Variants in SLC9C1 observed in about 807,000 individuals in gnomAD.
SLC9C1 encodes solute carrier family 9 member C1.
In SLC9C1, 97 loss-of-function variants were observed where a neutral mutation model predicts 140.9. The ratio of observed to expected loss-of-function variants is 0.69; its 90% CI spans 0.58 to 0.82. The LOEUF is 0.82. SLC9C1 is among the 40% of genes least tolerant of loss of function. The pLI is 0.00. For synonymous variants in SLC9C1, 440 were observed against 442.6 expected, an observed-to-expected ratio of 0.99 and a Z score of 0.07; for missense variants, 1,340 against 1,389.3, an observed-to-expected ratio of 0.96 and a Z score of 0.56.
At chr3:112,166,018 A>T (rs771260852) in intron 26 of SLC9C1, among the ~76,000 whole-genome samples, 2 of 151,300 alleles carry the variant, frequency 1.3e-5, no homozygotes, top group Non-Finnish European at 2.9e-5. Flanking sequence ...TTGATCTCAG[A>T]CTGCTGTGCT....
intron 28 of SLC9C1, among the ~76,000 whole-genome samples, chr3:112,146,231 T>C (rs2074792665): frequency 6.6e-6 from 1 of 152,110 alleles, no homozygotes; most frequent in Non-Finnish European, 1.5e-5. Context: ...TAGCTAGTGA[T>C]CTACTGATGT....
intron 15 of SLC9C1, among the ~76,000 whole-genome samples, chr3:112,215,875 CA>C (rs1560078302): frequency 6.6e-6 from 1 of 152,024 alleles, no homozygotes; most frequent in Non-Finnish European, 1.5e-5. Flanking sequence ...CATATGGAAC[CA>C]AAAAAGAGCC....
At chr3:112,231,071 AC>A (rs1399217317) in intron 13 of SLC9C1, among the ~76,000 whole-genome samples, 1 of 152,068 alleles carries the variant, frequency 6.6e-6, no homozygotes, top group Non-Finnish European at 1.5e-5. Flanking sequence ...ATCACTCTTT[AC>A]TTAAGTTAAT....
chr3:112,143,118 C>T (rs1421197430), intron 28 of SLC9C1, among the ~76,000 whole-genome samples: 1 of 152,110 alleles, frequency 6.6e-6, no homozygotes. Context: ...ACCACATTTT[C>T]TTTATTCAAC....
At chr3:112,274,348 A>T (rs1299831925) in intron 6 of SLC9C1, among the ~76,000 whole-genome samples, 3 of 152,066 alleles carry the variant, frequency 2.0e-5, no homozygotes, top group African/African-American at 7.2e-5. Context: ...GATAAAGGGG[A>T]AAAAAAGTAC....
At chr3:112,202,502 C>T in intron 17 of SLC9C1, 103 bp from the exon 18 acceptor site, 7 of 1,180,172 alleles carry the variant, frequency 5.9e-6, no homozygotes, top group Non-Finnish European at 8.2e-6. Context: ...ATTAAGTGCC[C>T]TCAAAGGTAA....
rs371738358 is a variant in SLC9C1, at chr3:112,281,504, C to G, written c.89-721G>C. The stretch of plus-strand genomic sequence containing the variant: ...AAATAGGATACACCGATTTTTAATT[C>G]AAGGAACACATTTCTGAAACACTTT... On this transcript the variant is annotated intron_variant, in intron 2 of 28. Coordinates refer to ENST00000305815, the MANE Select transcript of SLC9C1 (RefSeq NM_183061.3). 8.5e-5 allele frequency among the ~76,000 whole-genome samples: 13 copies of G among 152,210 alleles called. No individual in the cohort carries two copies. The East Asian group carries it at 1.2e-3, about 14-fold the overall frequency.
rs1344648020 is a variant in SLC9C1, at chr3:112,185,963, C to T, written c.2524-3705G>A. 5.8e-6 allele frequency: 9 copies of T among 1,561,354 alleles called. No individual in the cohort carries two copies. In the East Asian group the frequency reaches 2.1e-4, roughly 36 times the overall value. ...GCAGTAGCTTGGGGTGGTGGGCGAC[C>T]AGCTCTCTGCTGCCGGCTGGGACCC... On this transcript the variant is annotated intron_variant, in intron 20 of 28. Transcript: ENST00000305815.
At chr3:112,218,700 G>T (rs950570018) in intron 14 of SLC9C1, among the ~76,000 whole-genome samples, 1 of 152,182 alleles carries the variant, frequency 6.6e-6, no homozygotes. Flanking sequence ...AATACCAATT[G>T]CAGTAAAACG....
intron 28 of SLC9C1, among the ~76,000 whole-genome samples, chr3:112,145,589 CTTTTT>C (rs61547345): frequency 7.8e-4 from 22 of 28,242 alleles, no homozygotes; most frequent in East Asian, 1.4e-3. Context: ...CTGCCCTTGG[CTTTTT>C]TTTTTTTTTT....
At chr3:112,244,901 C>T (rs954570848) in intron 10 of SLC9C1, among the ~76,000 whole-genome samples, 1 of 152,110 alleles carries the variant, frequency 6.6e-6, no homozygotes, top group Non-Finnish European at 1.5e-5. Flanking sequence ...TGATCTAATT[C>T]GTCAAGGGTG....
intron 13 of SLC9C1, among the ~76,000 whole-genome samples, chr3:112,227,978 A>G (rs1485632181): frequency 2.6e-5 from 4 of 152,146 alleles, no homozygotes; most frequent in East Asian, 3.8e-4. Flanking sequence ...TAAAATGACC[A>G]TACTCCCTAA....
chr3:112,253,550 A>G (rs1230982513), intron 10 of SLC9C1, among the ~76,000 whole-genome samples: 1 of 152,214 alleles, frequency 6.6e-6, no homozygotes, highest in Admixed American at 6.5e-5. Context: ...AACCAAAGAC[A>G]AGAAGTCATT....
intron 20 of SLC9C1, among the ~76,000 whole-genome samples, chr3:112,183,634 C>T (rs1053216682): frequency 2.1e-5 from 3 of 142,456 alleles, no homozygotes; most frequent in African/African-American, 5.3e-5. Flanking sequence ...AGAGACAAAC[C>T]GGAAAAGCAC....
intron 26 of SLC9C1, among the ~76,000 whole-genome samples, chr3:112,163,654 T>C (rs1234066948): frequency 6.6e-6 from 1 of 152,088 alleles, no homozygotes; most frequent in Admixed American, 6.6e-5. Context: ...TTATAATTTC[T>C]GTTCTTTTAC....
chr3:112,217,429 CA>C lies in SLC9C1; in HGVS notation c.1790+12del, dbSNP rs1387096176. 2.5e-6 allele frequency: 4 copies of C among 1,574,376 alleles called. No homozygotes were observed. In the South Asian group the frequency reaches 4.8e-5, roughly 19 times the overall value. On this transcript the variant is annotated intron_variant, in intron 15 of 28. Transcript: ENST00000305815. Reference sequence around the variant, plus strand: ...ATATAATAGCATTTCTTATAAGGTTCAAAAGCACTTACTTTGATGGGCCCTC... The same window carrying C: ...ATATAATAGCATTTCTTATAAGGTTCAAAGCACTTACTTTGATGGGCCCTC...
Position 112,183,349 on chromosome 3 carries a change from C to CTTTTTT in SLC9C1, c.2524-1097_2524-1092dup, listed in dbSNP as rs200437815. ...ACGACAATGATATTTAGCACCTTTT[C>CTTTTTT]TTTTTTTTTTTTTTTTTTTTTCAGC... is the stretch of plus-strand genomic sequence containing the variant. On this transcript the variant is annotated intron_variant, in intron 20 of 28. Coordinates refer to ENST00000305815, the MANE Select transcript of SLC9C1 (RefSeq NM_183061.3). Among the ~76,000 whole-genome samples the CTTTTTT allele has an allele frequency of 4.0e-4, 38 of 95,378 alleles. 3 individuals are homozygous for CTTTTTT. Among genetic ancestry groups the CTTTTTT allele is most frequent in the East Asian group, 1.5e-3 (6 of 3,958 alleles). The allele number at this position is 95,378 out of a possible 152,430, so 62.6% of individuals were successfully genotyped here.
chr3:112,185,609 T>C (rs918684433), intron 20 of SLC9C1: 2 of 1,595,418 alleles, frequency 1.3e-6, no homozygotes, highest in Non-Finnish European at 1.7e-6. Flanking sequence ...CGAAGCCCTC[T>C]CTCCCAAGGG....
Position 112,163,446 on chromosome 3 carries a change from C to T in SLC9C1, c.3364+3775G>A, listed in dbSNP as rs1224268397. Among the ~76,000 whole-genome samples, 42 of 150,694 alleles carry T rather than the reference C, an allele frequency of 2.8e-4. No homozygotes were observed. In the East Asian group the frequency reaches 2.9e-3, roughly 11 times the overall value. The stretch of plus-strand genomic sequence containing the variant: ...TTCCCTCTACACACTGCTTTGAATG[C>T]GTCCCAGAGATTCTGGTATGTTGTC... On this transcript the variant is annotated intron_variant, in intron 26 of 28. Coordinates refer to ENST00000305815, the MANE Select transcript of SLC9C1 (RefSeq NM_183061.3).
Sources: gnomAD v4.1 joint callset for allele counts (sites outside exome capture counted in the v4.1 genomes callset) on GRCh38, gnomAD v4.1.1 for gene constraint, MANE v1.5 for transcripts, NCBI Gene and HGNC (gene_info 2026-07-23, HGNC 2026-07-21) for gene names.